GRAMD1C: variants seen among roughly 807,000 people sequenced by gnomAD.
GRAMD1C encodes the protein protein Aster-C.
In GRAMD1C, 89 loss-of-function variants were observed where a neutral mutation model predicts 97.8. That is an observed-to-expected ratio of 0.91 (90% CI 0.77 to 1.09). GRAMD1C has a LOEUF of 1.09. Among genes scored for constraint, GRAMD1C ranks in the 50% least tolerant of loss-of-function variants. The pLI, the probability that GRAMD1C is intolerant of heterozygous loss-of-function variation, is 0.00. For synonymous variants in GRAMD1C, 256 were observed against 267.0 expected, an observed-to-expected ratio of 0.96 and a Z score of 0.40; for missense variants, 740 against 766.4, an observed-to-expected ratio of 0.97 and a Z score of 0.41.
chr3:113,899,000 C>T (rs1243796696), intron 6 of GRAMD1C, among the ~76,000 whole-genome samples: 1 of 151,414 alleles, frequency 6.6e-6, no homozygotes, highest in Non-Finnish European at 1.5e-5. Flanking sequence ...ACATAACAAA[C>T]AAAGATGCCA....
rs374737363 is a variant in GRAMD1C, at chr3:113,875,525, C to A, written c.301C>A (p.Arg101=). The A allele has an allele frequency of 6.4e-7, 1 of 1,554,568 alleles. No homozygotes were observed. Among genetic ancestry groups the A allele is most frequent in the Non-Finnish European group, 8.9e-7 (1 of 1,125,094 alleles). The change falls in exon 4 of 18, where the codon CGA becomes AGA. Residue 101 remains arginine (R), a synonymous_variant. Transcript: ENST00000358160. ...TCAGAGGGACATTTTGCTTCAGGGA[C>A]GACTATACCTTTCAGAAAACTGGCT... The part of the protein sequence containing the change: ...ALQRDILLQG[R]LYLSENWLCF...
At chr3:113,831,945 C>T (rs112732160) in intron 1 of GRAMD1C, among the ~76,000 whole-genome samples, 10 of 152,184 alleles carry the variant, frequency 6.6e-5, no homozygotes, top group African/African-American at 2.2e-4. Context: ...TATTATTTTT[C>T]TCTGTATATG....
At chr3:113,916,932 C>T (rs1224161509) in intron 10 of GRAMD1C, among the ~76,000 whole-genome samples, 7 of 151,952 alleles carry the variant, frequency 4.6e-5, no homozygotes, top group African/African-American at 1.4e-4. Flanking sequence ...GTGAATTGCT[C>T]GAGCCCAGGA....
At chr3:113,884,165 C>T (rs1935363632) in intron 6 of GRAMD1C, among the ~76,000 whole-genome samples, 1 of 152,146 alleles carries the variant, frequency 6.6e-6, no homozygotes, top group African/African-American at 2.4e-5. Context: ...ATATCCTTTT[C>T]AAGTGCACAT....
intron 1 of GRAMD1C, among the ~76,000 whole-genome samples, chr3:113,841,047 A>G (rs913990459): frequency 6.6e-5 from 10 of 152,194 alleles, no homozygotes; most frequent in Middle Eastern, 3.2e-3. Context: ...GAGACACTGA[A>G]CAGAACATAT....
intron 2 of GRAMD1C, chr3:113,850,430 C>T: frequency 1.7e-6 from 2 of 1,190,792 alleles, no homozygotes; most frequent in Non-Finnish European, 2.5e-6. Context: ...CCAAGGCCTG[C>T]CAGTCTCTGG....
chr3:113,856,136 C>T (rs148052904), intron 2 of GRAMD1C, among the ~76,000 whole-genome samples: 6 of 152,250 alleles, frequency 3.9e-5, no homozygotes, highest in Admixed American at 1.3e-4. Context: ...GATCTGCCCA[C>T]CTCGGCCTCC....
At chr3:113,925,812 TTTC>T (rs1282106561) in intron 10 of GRAMD1C, among the ~76,000 whole-genome samples, 2 of 152,234 alleles carry the variant, frequency 1.3e-5, no homozygotes, top group Non-Finnish European at 2.9e-5. Context: ...AATGATCTCA[TTTC>T]TCCTTCACTT....
intron 2 of GRAMD1C, among the ~76,000 whole-genome samples, chr3:113,847,493 G>A (rs1933663329): frequency 6.6e-6 from 1 of 152,192 alleles, no homozygotes; most frequent in South Asian, 2.1e-4. Flanking sequence ...GCTCTAAATA[G>A]TACTGTAGTT....
chr3:113,828,535 T>A (rs1173500741), intron 1 of GRAMD1C, among the ~76,000 whole-genome samples: 2 of 152,208 alleles, frequency 1.3e-5, no homozygotes, highest in Non-Finnish European at 2.9e-5. Context: ...GATTGTCTTC[T>A]TTTTTCCTAT....
chr3:113,878,351 C>T (rs1577155040), intron 5 of GRAMD1C, among the ~76,000 whole-genome samples: 1 of 152,130 alleles, frequency 6.6e-6, no homozygotes, highest in African/African-American at 2.4e-5. Flanking sequence ...CAGGCTTTCC[C>T]TCCCCCAGCC....
At position 113,938,155 on chromosome 3, in the gene GRAMD1C, T is replaced by C. The variant is rs1316842393; in HGVS notation, c.1691+12T>C. ...GTAATGAGTATTTTGTAAGTATTTGTTGTGAATGCTTATTTTGCTTGTTTC... is the reference window on the plus strand; with the variant it reads ...GTAATGAGTATTTTGTAAGTATTTGCTGTGAATGCTTATTTTGCTTGTTTC... On this transcript the variant is annotated intron_variant, in intron 15 of 17. Coordinates refer to ENST00000358160, the MANE Select transcript of GRAMD1C (RefSeq NM_017577.5). The C allele has an allele frequency of 3.1e-6, 4 of 1,298,432 alleles. No homozygotes were observed. The highest frequency in any genetic ancestry group is 4.3e-6 in the Non-Finnish European group (4 of 924,640). The allele number at this position is 1,298,432 out of a possible 1,614,324, so 80.4% of individuals were successfully genotyped here. A position where few individuals can be genotyped will look rare whatever the true frequency, so the allele number is the denominator to read the frequency against.
intron 16 of GRAMD1C, 78 bp from the exon 17 acceptor site, chr3:113,940,162 G>T: frequency 3.1e-6 from 3 of 956,808 alleles, no homozygotes; most frequent in Admixed American, 1.9e-5. Context: ...CAAATTTATG[G>T]GGCTCTGATG....
chr3:113,850,910 C>T (rs867167423), intron 2 of GRAMD1C, among the ~76,000 whole-genome samples: 2 of 150,296 alleles, frequency 1.3e-5, no homozygotes, highest in Non-Finnish European at 2.9e-5. Context: ...TCACACCATT[C>T]TCCTGCCCCA....
intron 8 of GRAMD1C, among the ~76,000 whole-genome samples, chr3:113,905,023 A>G (rs1370316174): frequency 2.0e-5 from 3 of 152,000 alleles, no homozygotes; most frequent in African/African-American, 7.2e-5. Context: ...TTTAATAGAG[A>G]TGGGGTTTCA....
chr3:113,903,188 T>C (rs1936240588), intron 7 of GRAMD1C, among the ~76,000 whole-genome samples: 3 of 151,514 alleles, frequency 2.0e-5, no homozygotes, highest in Admixed American at 2.0e-4. Context: ...TTGGCCAGGA[T>C]GGTCTCGATC....
chr3:113,930,723 C>T lies in GRAMD1C; in HGVS notation c.1100C>T (p.Ser367Phe). Residue 367 changes from serine (S) to phenylalanine (F), a missense_variant, in exon 11 of 18, where the codon TCT becomes TTT. By Grantham distance (155) the Ser-to-Phe change is radical (BLOSUM62 -2). Transcript: ENST00000358160. Reference sequence around the variant, plus strand: ...TGTTTGTTGTTGTTAGATGTAGTATCTACCCCTTGGACTGCAGAACTTGGA... The same window carrying T: ...TGTTTGTTGTTGTTAGATGTAGTATTTACCCCTTGGACTGCAGAACTTGGA... Reference protein sequence around the residue: ...ASSRNIIDVVSTPWTAELGGD... With the variant: ...ASSRNIIDVVFTPWTAELGGD... 6.4e-7 allele frequency: 1 copy of T among 1,567,010 alleles called. No individual in the cohort carries two copies. Among genetic ancestry groups the T allele is most frequent in the Non-Finnish European group, 8.8e-7 (1 of 1,137,016 alleles).
intron 2 of GRAMD1C, among the ~76,000 whole-genome samples, chr3:113,854,568 TA>T (rs1255713936): frequency 6.6e-6 from 1 of 152,146 alleles, no homozygotes; most frequent in Non-Finnish European, 1.5e-5. Context: ...TTAAGGTCAT[TA>T]AAAGTACAAC....
At chr3:113,921,322 C>G (rs1184524111) in intron 10 of GRAMD1C, among the ~76,000 whole-genome samples, 1 of 152,138 alleles carries the variant, frequency 6.6e-6, no homozygotes, top group African/African-American at 2.4e-5. Context: ...TGATGGGCAT[C>G]TAGGTTGATT....
Sources: allele counts gnomAD v4.1 joint callset (sites outside exome capture counted in the v4.1 genomes callset), GRCh38; gene constraint gnomAD v4.1.1; transcripts MANE v1.5; gene names NCBI Gene and HGNC (gene_info 2026-07-23, HGNC 2026-07-21).